MGAT4C: variants seen among roughly 807,000 people sequenced by gnomAD.
The protein encoded by MGAT4C is MGAT4 family member C, also known as alpha-1,3-mannosyl-glycoprotein 4-beta-N-acetylglucosaminyltransferase C.
A neutral mutation model predicts 40.1 loss-of-function variants in MGAT4C; 19 were observed. The ratio of observed to expected loss-of-function variants is 0.47; its 90% CI spans 0.33 to 0.70. The LOEUF is 0.70. Ranked by LOEUF, MGAT4C falls within the 30% of genes least tolerant of loss-of-function variation. MGAT4C has a pLI of 0.02. For missense variants in MGAT4C, 491 were observed against 563.2 expected (o/e 0.87, Z 1.30); for synonymous variants, 181 against 187.1 (o/e 0.97, Z 0.27).
chr12:86,515,153 G>A (rs1004364634), intron 2 of MGAT4C, among the ~76,000 whole-genome samples: 10 of 152,114 alleles, frequency 6.6e-5, no homozygotes, highest in African/African-American at 2.2e-4. Flanking sequence ...TTCTCATAAA[G>A]GCTGTCTACA....
chr12:86,189,960 C>A (rs895606872), intron 1 of MGAT4C, among the ~76,000 whole-genome samples: 1 of 151,986 alleles, frequency 6.6e-6, no homozygotes, highest in Non-Finnish European at 1.5e-5. Flanking sequence ...TTAACTAGTA[C>A]TTTAAATGCC....
intron 4 of MGAT4C, among the ~76,000 whole-genome samples, chr12:86,332,530 T>A (rs1954693199): frequency 6.6e-6 from 1 of 152,050 alleles, no homozygotes; most frequent in Admixed American, 6.6e-5. Flanking sequence ...CAAACCAATA[T>A]CTATCTCATT....
At chr12:86,123,316 A>G (rs150072908) in intron 1 of MGAT4C, among the ~76,000 whole-genome samples, 26 of 152,270 alleles carry the variant, frequency 1.7e-4, no homozygotes, top group African/African-American at 5.1e-4. Flanking sequence ...AACAAAAAGT[A>G]TATGATTACT....
At chr12:86,007,678 T>C (rs1888038720) in intron 2 of MGAT4C, among the ~76,000 whole-genome samples, 1 of 152,100 alleles carries the variant, frequency 6.6e-6, no homozygotes, top group South Asian at 2.1e-4. Context: ...CAGACTCTAA[T>C]GATTTATCAA....
chr12:86,395,696 T>G (rs1449808931), intron 3 of MGAT4C, among the ~76,000 whole-genome samples: 1 of 152,228 alleles, frequency 6.6e-6, no homozygotes, highest in Non-Finnish European at 1.5e-5. Context: ...GTAGCTATAA[T>G]ACTGTAATAA....
chr12:85,983,291 T>A (rs1884827911), intron 4 of MGAT4C, among the ~76,000 whole-genome samples: 1 of 152,176 alleles, frequency 6.6e-6, no homozygotes. Context: ...TACAACAAAA[T>A]CTCAAGAGAC....
chr12:86,679,217 A>C (rs1051246666), intron 2 of MGAT4C, among the ~76,000 whole-genome samples: 1 of 152,136 alleles, frequency 6.6e-6, no homozygotes, highest in Non-Finnish European at 1.5e-5. Flanking sequence ...TTTTGGCTGC[A>C]TAAATGTCTT....
At chr12:86,750,858 T>TCAGGCCAGA (rs2136141106) in intron 1 of MGAT4C, among the ~76,000 whole-genome samples, 1 of 152,036 alleles carries the variant, frequency 6.6e-6, no homozygotes, top group East Asian at 1.9e-4. Flanking sequence ...TTCAGAAACT[T>TCAGGCCAGA]CAGGCCAGAC....
At chr12:86,237,705 T>C (rs951768536) in intron 1 of MGAT4C, among the ~76,000 whole-genome samples, 1 of 151,860 alleles carries the variant, frequency 6.6e-6, no homozygotes, top group Non-Finnish European at 1.5e-5. Flanking sequence ...CACAGTCTAC[T>C]TGCAATAAAG....
At chr12:86,479,920 C>T (rs1241903836) in intron 2 of MGAT4C, among the ~76,000 whole-genome samples, 1 of 151,702 alleles carries the variant, frequency 6.6e-6, no homozygotes, top group African/African-American at 2.4e-5. Flanking sequence ...AACAAAATGC[C>T]TTTTTAATAC....
intron 1 of MGAT4C, among the ~76,000 whole-genome samples, chr12:86,166,802 T>C (rs1455928678): frequency 6.6e-6 from 1 of 152,044 alleles, no homozygotes; most frequent in Non-Finnish European, 1.5e-5. Context: ...ATAACGTACA[T>C]AAAAAATTAA....
At chr12:86,397,387 G>T (rs566995376) in intron 3 of MGAT4C, among the ~76,000 whole-genome samples, 5 of 151,914 alleles carry the variant, frequency 3.3e-5, no homozygotes, top group African/African-American at 1.2e-4. Flanking sequence ...CCAAAACCCC[G>T]TTTTAAACCA....
At chr12:86,544,916 T>C (rs1959185367) in intron 2 of MGAT4C, among the ~76,000 whole-genome samples, 2 of 152,120 alleles carry the variant, frequency 1.3e-5, no homozygotes, top group Admixed American at 1.3e-4. Flanking sequence ...TCTGCTTTTA[T>C]GTTCACCATG....
In MGAT4C at chr12:85,969,706, T is replaced by C. The variant is rs1565792204; in HGVS notation, c.*9583A>G. The C allele has an allele frequency of 6.6e-6, 1 of 151,574 alleles. No homozygotes were observed. Among genetic ancestry groups the C allele is most frequent in the Non-Finnish European group, 1.5e-5 (1 of 67,584 alleles). 9.4% of individuals were successfully genotyped at this position (151,574 alleles called of 1,614,324 possible). On this transcript the variant is annotated 3_prime_UTR_variant, in exon 5 of 5. Coordinates refer to ENST00000611864, the MANE Select transcript of MGAT4C (RefSeq NM_001351288.2). ...ATGGGTTTTCAATAAATTATTATTA[T>C]AGTTAGGAGGCAATGTATAATAGTG...
At chr12:86,323,449 C>A (rs553498432) in intron 4 of MGAT4C, among the ~76,000 whole-genome samples, 50 of 151,126 alleles carry the variant, frequency 3.3e-4, no homozygotes, top group African/African-American at 1.2e-3. Context: ...ATGAAAAAAA[C>A]CACAATATTT....
At chr12:86,726,571 T>C (rs528708672) in intron 2 of MGAT4C, among the ~76,000 whole-genome samples, 2 of 152,312 alleles carry the variant, frequency 1.3e-5, no homozygotes, top group African/African-American at 4.8e-5. Context: ...CCATACGTTC[T>C]AGTAACACAA....
chr12:86,647,185 CAG>C (rs906224060), intron 2 of MGAT4C, among the ~76,000 whole-genome samples: 1 of 151,786 alleles, frequency 6.6e-6, no homozygotes, highest in Non-Finnish European at 1.5e-5. Flanking sequence ...CACATGAGAG[CAG>C]AGAGAAAATA....
chr12:86,033,522 T>C lies in MGAT4C; in HGVS notation c.-7+16152A>G, dbSNP rs1483848201. ...TAATTTTTTTTCTTTTTGTGGCTAT[T>C]GTAAATGGGATTGCATTCGTGATTT... is the stretch of plus-strand genomic sequence containing the variant. On this transcript the variant is annotated intron_variant, in intron 2 of 4. Coordinates refer to ENST00000611864, the MANE Select transcript of MGAT4C (RefSeq NM_001351288.2). 1.3e-5 allele frequency among the ~76,000 whole-genome samples: 2 copies of C among 149,506 alleles called. 1 individual carries two copies. Among genetic ancestry groups the C allele is most frequent in the Non-Finnish European group, 3.0e-5 (2 of 66,638 alleles).
chr12:86,207,990 T>C (rs1244364372), intron 1 of MGAT4C, among the ~76,000 whole-genome samples: 1 of 152,212 alleles, frequency 6.6e-6, no homozygotes, highest in Non-Finnish European at 1.5e-5. Context: ...CCATTTTGGA[T>C]TTTTTACAAA....
Sources: allele counts gnomAD v4.1 joint callset (sites outside exome capture counted in the v4.1 genomes callset), GRCh38; gene constraint gnomAD v4.1.1; transcripts MANE v1.5; gene names NCBI Gene and HGNC (gene_info 2026-07-23, HGNC 2026-07-21).